HIP1: variants seen among roughly 807,000 people sequenced by gnomAD.
HIP1 encodes the protein huntingtin-interacting protein 1.
A neutral mutation model predicts 147.6 loss-of-function variants in HIP1; 65 were observed. That is an observed-to-expected ratio of 0.44 (90% confidence interval 0.36 to 0.54). The LOEUF is 0.54. Ranked by LOEUF, HIP1 falls within the 20% of genes least tolerant of loss-of-function variation. The pLI is 0.00. For synonymous variants in HIP1, 479 were observed against 504.0 expected, an observed-to-expected ratio of 0.95 and a Z score of 0.67; for missense variants, 1,061 against 1,299.6, an observed-to-expected ratio of 0.82 and a Z score of 2.82.
chr7:75,637,536 A>ATTTT (rs869251770), intron 1 of HIP1, among the ~76,000 whole-genome samples: 5,491 of 70,880 alleles, frequency 0.077, 735 homozygotes, highest in Non-Finnish European at 0.11. Context: ...TGCAGAGAGG[A>ATTTT]TTTTTTTTTT....
In HIP1 at chr7:75,594,223, TGA is replaced by T. The variant is rs782670942; in HGVS notation, c.185-1711_185-1710del. Among the ~76,000 whole-genome samples, 16 of 152,068 alleles carry T rather than the reference TGA, an allele frequency of 1.1e-4. No homozygotes were observed. The South Asian group carries it at 1.9e-3, about 18-fold the overall frequency. ...TGAACCCGGGAGGCAGAGATTGCAG[TGA>T]GCCGAGATCATGCCATTGCACTCCA... On this transcript the variant is annotated intron_variant, in intron 2 of 30. Transcript: ENST00000336926.
chr7:75,656,088 C>T (rs1554512591), intron 1 of HIP1, among the ~76,000 whole-genome samples: 1 of 151,898 alleles, frequency 6.6e-6, no homozygotes, highest in African/African-American at 2.4e-5. Flanking sequence ...CACTGCACTC[C>T]AGCCTGGGTG....
intron 19 of HIP1, among the ~76,000 whole-genome samples, chr7:75,554,909 T>TA (rs2098212416): frequency 6.6e-6 from 1 of 151,236 alleles, no homozygotes; most frequent in South Asian, 2.1e-4. Context: ...TACCAAAAAT[T>TA]AAAAAATTAG....
intron 1 of HIP1, among the ~76,000 whole-genome samples, chr7:75,723,343 C>T (rs1473392052): frequency 2.0e-5 from 3 of 152,036 alleles, no homozygotes; most frequent in Admixed American, 6.6e-5. Context: ...TTGCACTCCA[C>T]CCTGGGCGAC....
intron 1 of HIP1, among the ~76,000 whole-genome samples, chr7:75,679,002 C>T (rs2117265167): frequency 6.6e-6 from 1 of 152,228 alleles, no homozygotes; most frequent in East Asian, 1.9e-4. Flanking sequence ...GCCTATCAAC[C>T]TCTCTCTCTC....
chr7:75,701,474 T>C (rs1170931851), intron 1 of HIP1, among the ~76,000 whole-genome samples: 1 of 152,068 alleles, frequency 6.6e-6, no homozygotes, highest in Non-Finnish European at 1.5e-5. Context: ...TTTGGGAGGC[T>C]GAGGCAGGAG....
rs143621540 is a variant in HIP1 at position 75,597,549 on chromosome 7, G to A, written c.184+1635C>T. Among the ~76,000 whole-genome samples the A allele has an allele frequency of 6.0e-3, 917 of 152,140 alleles. 7 individuals carry two copies. The highest frequency in any genetic ancestry group is 0.014 in the Middle Eastern group (4 of 294). Reference sequence around the variant, plus strand: ...GAGCTCAGGAGTTTGAAACCAGCCTGAGCAACATGGCAAAACCCCGTCTCT... The same window carrying A: ...GAGCTCAGGAGTTTGAAACCAGCCTAAGCAACATGGCAAAACCCCGTCTCT... On this transcript the variant is annotated intron_variant, in intron 2 of 30. Transcript: ENST00000336926.
intron 7 of HIP1, among the ~76,000 whole-genome samples, chr7:75,580,800 G>A (rs1018035351): frequency 6.6e-6 from 1 of 152,034 alleles, no homozygotes; most frequent in Non-Finnish European, 1.5e-5. Flanking sequence ...GGAGTGCAAT[G>A]GCATGATCTT....
intron 4 of HIP1, among the ~76,000 whole-genome samples, chr7:75,587,481 T>C (rs1203839830): frequency 6.6e-6 from 1 of 152,258 alleles, no homozygotes; most frequent in African/African-American, 2.4e-5. Context: ...TCATTATTTT[T>C]AGTGACTGAC....
At chr7:75,561,941 C>A in intron 12 of HIP1, 132 bp downstream of exon 12, 1 of 645,416 alleles carries the variant, frequency 1.5e-6, no homozygotes. Context: ...GCCATTGCCC[C>A]CAACCCTTCA....
intron 1 of HIP1, chr7:75,611,575 T>C: frequency 1.7e-6 from 1 of 571,802 alleles, no homozygotes; most frequent in Non-Finnish European, 2.3e-6. Context: ...GGACATCATT[T>C]GGTTCTGAAC....
chr7:75,547,299 G>T (rs1794605605), intron 24 of HIP1, among the ~76,000 whole-genome samples: 1 of 152,188 alleles, frequency 6.6e-6, no homozygotes. Context: ...ACAGAGTCTT[G>T]CTCTGTCGCC....
intron 1 of HIP1, among the ~76,000 whole-genome samples, chr7:75,631,138 A>T (rs1007507841): frequency 2.1e-5 from 3 of 145,528 alleles, no homozygotes; most frequent in Non-Finnish European, 3.1e-5. Flanking sequence ...TTTGTTTTTT[A>T]AATTTTTTTT....
intron 22 of HIP1, among the ~76,000 whole-genome samples, chr7:75,550,349 C>T (rs587675217): frequency 6.6e-6 from 1 of 152,314 alleles, no homozygotes; most frequent in South Asian, 2.1e-4. Context: ...TTCTATCTCC[C>T]TTACTCCCTG....
At chr7:75,701,329 G>T (rs1316381153) in intron 1 of HIP1, among the ~76,000 whole-genome samples, 1 of 152,002 alleles carries the variant, frequency 6.6e-6, no homozygotes, top group Admixed American at 6.6e-5. Context: ...CGGAGGCAGA[G>T]GTTGCAGTGA....
chr7:75,623,589 G>A (rs1164371393), intron 1 of HIP1, among the ~76,000 whole-genome samples: 1 of 152,174 alleles, frequency 6.6e-6, no homozygotes, highest in East Asian at 1.9e-4. Flanking sequence ...GGTCAGGGCT[G>A]AGAGCTCAGG....
intron 1 of HIP1, among the ~76,000 whole-genome samples, chr7:75,643,272 C>T (rs1430661565): frequency 4.6e-5 from 7 of 152,148 alleles, no homozygotes; most frequent in African/African-American, 9.7e-5. Context: ...TAGCAGTAGG[C>T]GTCTACAGAG....
intron 1 of HIP1, among the ~76,000 whole-genome samples, chr7:75,685,534 AT>A (rs1353172602): frequency 1.3e-5 from 2 of 151,920 alleles, no homozygotes; most frequent in Non-Finnish European, 2.9e-5. Context: ...ATATATTCTG[AT>A]TCCCAATTCT....
intron 15 of HIP1, 136 bp downstream of exon 15, chr7:75,558,031 T>C: frequency 1.4e-6 from 1 of 723,490 alleles, no homozygotes; most frequent in Non-Finnish European, 2.4e-6. Context: ...CCTGAAAAGG[T>C]GTGGTTCCCG....
Sources: gnomAD v4.1 joint callset for allele counts (sites outside exome capture counted in the v4.1 genomes callset) on GRCh38, gnomAD v4.1.1 for gene constraint, MANE v1.5 for transcripts, NCBI Gene and HGNC (gene_info 2026-07-23, HGNC 2026-07-21) for gene names.